Variants in VRK1 observed in about 807,000 individuals in gnomAD.
The protein encoded by VRK1 is serine/threonine-protein kinase VRK1.
Under a neutral mutation model 57.1 loss-of-function variants are expected in VRK1, and 33 were observed. The observed-to-expected ratio is 0.58, with a 90% CI of 0.44 to 0.77. The LOEUF is 0.77. Among genes scored for constraint, VRK1 ranks in the 30% least tolerant of loss-of-function variants. VRK1 has a pLI of 0.00. For synonymous variants in VRK1, 137 were observed against 147.8 expected (o/e 0.93, Z 0.53); for missense variants, 413 against 477.3 (o/e 0.87, Z 1.25).
chr14:96,870,414 C>T (rs546786461), intron 11 of VRK1, among the ~76,000 whole-genome samples: 4 of 152,242 alleles, frequency 2.6e-5, no homozygotes, highest in African/African-American at 7.2e-5. Context: ...CAAAAGTTTT[C>T]GACCTTAATG....
chr14:96,809,459 A>G (rs1595640144), intron 1 of VRK1, among the ~76,000 whole-genome samples: 2 of 152,024 alleles, frequency 1.3e-5, no homozygotes, highest in African/African-American at 2.4e-5. Flanking sequence ...ACTTATGTAT[A>G]TGTATGTATC....
intron 11 of VRK1, among the ~76,000 whole-genome samples, chr14:96,867,729 T>C (rs1157593037): frequency 6.6e-6 from 1 of 152,190 alleles, no homozygotes; most frequent in Non-Finnish European, 1.5e-5. Flanking sequence ...CACATGTTCA[T>C]TTCCTTAACG....
chr14:96,817,433 T>G (rs919654159), intron 1 of VRK1, among the ~76,000 whole-genome samples: 3 of 152,170 alleles, frequency 2.0e-5, no homozygotes, highest in African/African-American at 7.2e-5. Context: ...TCTTTATGGC[T>G]TGCGTGTTTT....
At chr14:96,876,206 G>T in intron 12 of VRK1, 86 bp downstream of exon 12, 6 of 1,258,628 alleles carry the variant, frequency 4.8e-6, no homozygotes, top group Non-Finnish European at 7.0e-6. Context: ...AACTATTTGG[G>T]TCATGACCTT....
intron 1 of VRK1, among the ~76,000 whole-genome samples, chr14:96,801,836 C>T (rs917744145): frequency 6.6e-6 from 1 of 152,022 alleles, no homozygotes; most frequent in African/African-American, 2.4e-5. Context: ...GGTCTTCATC[C>T]TCATTGTCTT....
intron 5 of VRK1, among the ~76,000 whole-genome samples, chr14:96,849,836 A>G (rs1263184298): frequency 6.6e-6 from 1 of 152,192 alleles, no homozygotes; most frequent in Non-Finnish European, 1.5e-5. Flanking sequence ...ATACATTCTT[A>G]TCACCCATTT....
At chr14:96,847,235 A>C (rs1454083768) in intron 4 of VRK1, 22 bp from the exon 5 acceptor site, 1 of 1,601,060 alleles carries the variant, frequency 6.2e-7, no homozygotes, top group Admixed American at 1.7e-5. Flanking sequence ...TTGAAATCAC[A>C]AAGATCTGTT....
intron 12 of VRK1, among the ~76,000 whole-genome samples, chr14:96,878,015 T>G (rs1358642536): frequency 6.6e-6 from 1 of 152,160 alleles, no homozygotes; most frequent in Non-Finnish European, 1.5e-5. Context: ...TGACCTAACT[T>G]TTTCAGAAGA....
At chr14:96,804,363 A>G (rs1885786805) in intron 1 of VRK1, among the ~76,000 whole-genome samples, 1 of 152,264 alleles carries the variant, frequency 6.6e-6, no homozygotes, top group Non-Finnish European at 1.5e-5. Context: ...GACAGGAAGA[A>G]ATGAATGAGC....
At position 96,856,227 on chromosome 14, in the gene VRK1, A is replaced by G; in HGVS notation, c.807A>G (p.Lys269=). ...GGGAGGATAATTTGAAAGATCCTAA[A>G]TATGTTAGAGATTCCAAAATTAGGT... ...LPWEDNLKDP[K]YVRDSKIRYR... Residue 269 remains lysine (K), a synonymous_variant, in exon 9 of 13, where the codon AAA becomes AAG. Transcript: ENST00000216639. The G allele has an allele frequency of 6.2e-7, 1 of 1,613,596 alleles. No homozygotes were observed. The highest frequency in any genetic ancestry group is 8.5e-7 in the Non-Finnish European group (1 of 1,179,774).
Position 96,855,293 on chromosome 14 carries a change from G to A in VRK1, c.646G>A (p.Asp216Asn). 1 of 1,614,074 alleles carries A rather than the reference G, an allele frequency of 6.2e-7. No individual in the cohort carries two copies. The highest frequency in any genetic ancestry group is 8.5e-7 in the Non-Finnish European group (1 of 1,179,964). Residue 216 changes from aspartate to asparagine, a missense_variant, in exon 8 of 13, where the codon GAC becomes AAC. By Grantham distance (23) the Asp-to-Asn change is conservative. This residue lies in a region of VRK1 where 151 missense variants were observed against 225.5 expected (regional missense o/e 0.67). Transcript: ENST00000216639. Reference sequence around the variant, plus strand: ...AGGAGTTCATAAAGAATACAAAGAAGACCCCAAAAGATGTCACGATGGCAC... The same window carrying A: ...AGGAGTTCATAAAGAATACAAAGAAAACCCCAAAAGATGTCACGATGGCAC... ...PEGVHKEYKE[D>N]PKRCHDGTIE...
At chr14:96,837,243 C>T (rs115309734) in intron 2 of VRK1, among the ~76,000 whole-genome samples, 3,134 of 152,256 alleles carry the variant, frequency 0.021, 45 homozygotes, top group Non-Finnish European at 0.028. Flanking sequence ...AAAATGATAG[C>T]CACATTAAAA....
intron 5 of VRK1, among the ~76,000 whole-genome samples, chr14:96,850,990 A>G (rs1887922063): frequency 6.6e-6 from 1 of 152,210 alleles, no homozygotes; most frequent in Non-Finnish European, 1.5e-5. Context: ...AGTAAAAGCC[A>G]ACATGTATAT....
At chr14:96,849,369 A>T (rs1887854963) in intron 5 of VRK1, among the ~76,000 whole-genome samples, 1 of 152,140 alleles carries the variant, frequency 6.6e-6, no homozygotes, top group Non-Finnish European at 1.5e-5. Flanking sequence ...ATTGGAAGAA[A>T]AGTGTACCTG....
rs528177923 is a variant in VRK1, at chr14:96,847,103, C to T, written c.287-154C>T. Among the ~76,000 whole-genome samples, 48 of 152,194 alleles carry T rather than the reference C, an allele frequency of 3.2e-4. No homozygotes were observed. In the East Asian group the frequency reaches 8.5e-3, roughly 27 times the overall value. On this transcript the variant is annotated intron_variant, in intron 4 of 12. Coordinates refer to ENST00000216639, the MANE Select transcript of VRK1 (RefSeq NM_003384.3). ...AATGTTTTCATCGTAAAATGCTTTT[C>T]GTTATTCGTTATACTGTATTCTTCA...
chr14:96,868,803 T>C (rs1023272352), intron 11 of VRK1, among the ~76,000 whole-genome samples: 9 of 33,772 alleles, frequency 2.7e-4, no homozygotes, highest in Middle Eastern at 0.013. Flanking sequence ...TTTCTGTGCT[T>C]TTTTTTTTTT....
intron 1 of VRK1, among the ~76,000 whole-genome samples, chr14:96,806,076 T>C (rs886117924): frequency 1.3e-5 from 2 of 150,374 alleles, no homozygotes; most frequent in East Asian, 4.1e-4. Flanking sequence ...ACCTATGCCC[T>C]AGTGACAGTT....
chr14:96,820,070 A>C (rs1187607196), intron 1 of VRK1, among the ~76,000 whole-genome samples: 1 of 152,084 alleles, frequency 6.6e-6, no homozygotes, highest in Non-Finnish European at 1.5e-5. Context: ...TTTTGGTGCA[A>C]GTTTGGCTTT....
intron 7 of VRK1, among the ~76,000 whole-genome samples, chr14:96,853,763 A>G (rs897034806): frequency 6.6e-6 from 1 of 152,102 alleles, no homozygotes; most frequent in Non-Finnish European, 1.5e-5. Flanking sequence ...AGAGGGATCT[A>G]TACAATTTTC....
Sources: gnomAD v4.1 joint callset for allele counts (sites outside exome capture counted in the v4.1 genomes callset) on GRCh38, gnomAD v4.1.1 for gene constraint, gnomAD v4.1.1 regional missense constraint, MANE v1.5 for transcripts, NCBI Gene and HGNC (gene_info 2026-07-23, HGNC 2026-07-21) for gene names.